The following SETDB1 variants were observed in gnomAD, a reference collection of about 807,000 sequenced individuals.
SETDB1 encodes the protein histone-lysine N-methyltransferase SETDB1.
A neutral mutation model predicts 137.4 loss-of-function variants in SETDB1; 31 were observed. That is an observed-to-expected ratio of 0.23 (90% CI 0.17 to 0.30). The LOEUF (loss-of-function observed/expected upper bound fraction) is 0.30. Among genes scored for constraint, SETDB1 ranks in the 10% least tolerant of loss-of-function variants. SETDB1 has a pLI of 1.00. For missense variants in SETDB1, 1,113 were observed against 1,631.5 expected (o/e 0.68, Z 5.47); for synonymous variants, 548 against 579.9 (o/e 0.95, Z 0.79).
chr1:150,926,848 A>G (rs1558007997), intron 1 of SETDB1: 1 of 533,324 alleles, frequency 1.9e-6, no homozygotes, highest in South Asian at 1.4e-5. Context: ...ACTTCTCTGT[A>G]CTTTGGGGGA....
chr1:150,948,064 C>A (rs587697997), intron 10 of SETDB1, among the ~76,000 whole-genome samples: 6 of 150,908 alleles, frequency 4.0e-5, no homozygotes, highest in Non-Finnish European at 8.8e-5. Flanking sequence ...AGACTCTTAT[C>A]TCTTAAAAAA....
At chr1:150,959,426 G>T (rs1670751448) in intron 15 of SETDB1, 79 bp downstream of exon 15, 1 of 1,235,912 alleles carries the variant, frequency 8.1e-7, no homozygotes, top group Non-Finnish European at 1.2e-6. Context: ...TTGAACATAA[G>T]AAGAAAGTGC....
intron 3 of SETDB1, among the ~76,000 whole-genome samples, chr1:150,932,429 G>A (rs1669789246): frequency 6.6e-6 from 1 of 151,844 alleles, no homozygotes; most frequent in Non-Finnish European, 1.5e-5. Flanking sequence ...TCAGTGCTGA[G>A]GCCATTTAGG....
intron 14 of SETDB1, among the ~76,000 whole-genome samples, chr1:150,957,059 G>C (rs796115758): frequency 6.6e-6 from 1 of 151,874 alleles, no homozygotes; most frequent in African/African-American, 2.4e-5. Flanking sequence ...CAAGGCTGCA[G>C]TGAGCTGTGT....
At position 150,945,051 on chromosome 1, in the gene SETDB1, G is replaced by A. The variant is rs757358701; in HGVS notation, c.1083G>A (p.Thr361=). 8 of 1,614,052 alleles carry A rather than the reference G, an allele frequency of 5.0e-6. No individual in the cohort carries two copies. The highest frequency in any genetic ancestry group is 2.7e-5 in the African/African-American group (2 of 74,922). The change falls in exon 9 of 22, where the codon ACG becomes ACA. Residue 361 remains threonine (T), a synonymous_variant. Coordinates refer to ENST00000692827, the MANE Select transcript of SETDB1 (RefSeq NM_001366418.1). ...GQLIKTEWEG[T]WWKSRVEEVD... is the part of the protein sequence containing the mutation. ...TTATCAAGACTGAGTGGGAAGGCAC[G>A]TGGTGGAAGTCCCGAGTTGAGGAGG...
Position 150,951,362 on chromosome 1 carries a change from T to C in SETDB1, c.2217-3T>C, listed in dbSNP as rs1670486301. On this transcript the variant is annotated splice_polypyrimidine_tract_variant and splice_region_variant and intron_variant, in intron 13 of 21. Coordinates refer to ENST00000692827, the MANE Select transcript of SETDB1 (RefSeq NM_001366418.1). ...CTTTCCTTTATTTCCCTCTGTCATA[T>C]AGGTCCAAGTGTGCCTGCCATCAAC... 6.3e-7 allele frequency: 1 copy of C among 1,594,036 alleles called. No individual in the cohort carries two copies.
At chr1:150,933,558 G>A (rs890600974) in intron 3 of SETDB1, among the ~76,000 whole-genome samples, 4 of 151,262 alleles carry the variant, frequency 2.6e-5, no homozygotes, top group African/African-American at 7.3e-5. Context: ...TGTACTTTTA[G>A]TAGAGACAGG....
intron 3 of SETDB1, among the ~76,000 whole-genome samples, chr1:150,938,394 G>C (rs1383007364): frequency 1.3e-5 from 2 of 152,084 alleles, no homozygotes; most frequent in African/African-American, 4.8e-5. Context: ...AATGAGAAAT[G>C]ACTGCTATAG....
At position 150,929,323 on chromosome 1, in the gene SETDB1, T is replaced by C. The variant is rs192584720; in HGVS notation, c.261-644T>C. The stretch of plus-strand genomic sequence containing the variant: ...AGACGGTATCTCATGGTGGTTTTGA[T>C]TTGCATTTCTCTGATGGCCACTGAT... On this transcript the variant is annotated intron_variant, in intron 2 of 21. Coordinates refer to ENST00000692827, the MANE Select transcript of SETDB1 (RefSeq NM_001366418.1). Among the ~76,000 whole-genome samples the C allele has an allele frequency of 4.6e-3, 695 of 152,290 alleles. 5 individuals are homozygous for C. The highest frequency in any genetic ancestry group is 0.016 in the African/African-American group (648 of 41,562).
intron 3 of SETDB1, among the ~76,000 whole-genome samples, chr1:150,932,163 A>T (rs1669780574): frequency 1.3e-5 from 2 of 151,700 alleles, no homozygotes; most frequent in South Asian, 2.1e-4. Flanking sequence ...AGTTGGGCAG[A>T]TTGCTTGAGC....
intron 3 of SETDB1, among the ~76,000 whole-genome samples, chr1:150,934,035 G>A (rs1300878047): frequency 1.3e-5 from 2 of 151,398 alleles, no homozygotes; most frequent in African/African-American, 2.4e-5. Context: ...CACCTGCTTC[G>A]GCTTCCCAAA....
At chr1:150,941,807 A>G (rs1670166361) in intron 5 of SETDB1, among the ~76,000 whole-genome samples, 1 of 152,002 alleles carries the variant, frequency 6.6e-6, no homozygotes, top group East Asian at 1.9e-4. Flanking sequence ...AGCCTCGGCA[A>G]CATAGTGAAA....
At chr1:150,945,137 C>T in intron 9 of SETDB1, 29 bp downstream of exon 9, 1 of 1,613,506 alleles carries the variant, frequency 6.2e-7, no homozygotes, top group South Asian at 1.1e-5. Context: ...ATTTTGGAGG[C>T]AGAGGTTGGT....
chr1:150,951,446 C>T lies in SETDB1; in HGVS notation c.2298C>T (p.Tyr766=). Residue 766 remains tyrosine (Y), a synonymous_variant, in exon 14 of 22, where the codon TAC becomes TAT. Coordinates refer to ENST00000692827, the MANE Select transcript of SETDB1 (RefSeq NM_001366418.1). ...PGGQINPNSG[Y]QYKRLEECLP... The stretch of plus-strand genomic sequence containing the variant: ...GCCAAATCAACCCTAACTCTGGCTA[C>T]CAGTACAAGAGACTAGAAGAGTGTC... 1 of 1,612,150 alleles carries T rather than the reference C, an allele frequency of 6.2e-7. No homozygotes were observed. The highest frequency in any genetic ancestry group is 1.1e-5 in the South Asian group (1 of 91,044).
At chr1:150,944,607 A>ACT (rs1374363557) in intron 8 of SETDB1, among the ~76,000 whole-genome samples, 1 of 152,194 alleles carries the variant, frequency 6.6e-6, no homozygotes, top group African/African-American at 2.4e-5. Context: ...TAAATTTACC[A>ACT]CTAGACTGAT....
chr1:150,933,385 T>TTTTTTTTTTTG (rs1669828234), intron 3 of SETDB1, among the ~76,000 whole-genome samples: 1 of 149,836 alleles, frequency 6.7e-6, no homozygotes, highest in Admixed American at 6.7e-5. Flanking sequence ...TTTTTTTTTT[T>TTTTTTTTTTTG]GAGACAGTCT....
intron 2 of SETDB1, among the ~76,000 whole-genome samples, chr1:150,928,395 C>T (rs1400208890): frequency 6.6e-6 from 1 of 152,204 alleles, no homozygotes; most frequent in Non-Finnish European, 1.5e-5. Context: ...CTGTCAGCAG[C>T]TAATACATGA....
At chr1:150,960,477 G>GAAAAAAAAAAAA (rs374284707) in intron 15 of SETDB1, 86 bp from the exon 16 acceptor site, 1 of 660,820 alleles carries the variant, frequency 1.5e-6, no homozygotes. Flanking sequence ...ACTCCATCTG[G>GAAAAAAAAAAAA]AAAAAAAAAA....
intron 3 of SETDB1, among the ~76,000 whole-genome samples, chr1:150,938,853 G>T (rs1411987682): frequency 2.0e-5 from 3 of 148,874 alleles, no homozygotes; most frequent in Non-Finnish European, 3.0e-5. Context: ...TTGAGACGGG[G>T]TCTTACTCTG....
Sources: gnomAD v4.1 joint callset for allele counts (sites outside exome capture counted in the v4.1 genomes callset) on GRCh38, gnomAD v4.1.1 for gene constraint, MANE v1.5 for transcripts, NCBI Gene and HGNC (gene_info 2026-07-23, HGNC 2026-07-21) for gene names.